The following PHACTR1 variants were observed in gnomAD, a reference collection of about 807,000 sequenced individuals.
PHACTR1 encodes the protein phosphatase and actin regulator 1, also known as RPEL repeat containing 1.
Under a neutral mutation model 69.2 loss-of-function variants are expected in PHACTR1, and 16 were observed. The ratio of observed to expected loss-of-function variants is 0.23; its 90% confidence interval spans 0.16 to 0.35. PHACTR1 has a LOEUF of 0.35. PHACTR1 is among the 10% of genes least tolerant of loss of function. The pLI, the probability that PHACTR1 is intolerant of heterozygous loss-of-function variation, is 1.00. For synonymous variants in PHACTR1, 312 were observed against 284.5 expected (o/e 1.10, Z -0.97); for missense variants, 510 against 734.7 (o/e 0.69, Z 3.54).
intron 5 of PHACTR1, among the ~76,000 whole-genome samples, chr6:13,127,213 C>T (rs1281826965): frequency 6.6e-6 from 1 of 152,178 alleles, no homozygotes; most frequent in African/African-American, 2.4e-5. Flanking sequence ...GATAAGAATA[C>T]TTTCCTTCTG....
chr6:12,869,566 C>A (rs1173263953), intron 4 of PHACTR1, among the ~76,000 whole-genome samples: 1 of 152,150 alleles, frequency 6.6e-6, no homozygotes, highest in South Asian at 2.1e-4. Context: ...ATGATCTAGC[C>A]CTATGCTTGA....
At chr6:13,281,071 G>A (rs1383611095) in intron 12 of PHACTR1, 18 of 1,289,434 alleles carry the variant, frequency 1.4e-5, no homozygotes, top group African/African-American at 3.0e-5. Flanking sequence ...TTGGAAAGAC[G>A]GTGTCCAAGG....
At chr6:12,829,964 A>AGAGAGAGAGAG (rs1777240400) in intron 4 of PHACTR1, among the ~76,000 whole-genome samples, 3 of 99,854 alleles carry the variant, frequency 3.0e-5, no homozygotes, top group African/African-American at 8.8e-5. Context: ...TCAAGAAAGA[A>AGAGAGAGAGAG]AGAGAGAGAG....
chr6:12,737,475 G>A (rs1042426061), intron 3 of PHACTR1, among the ~76,000 whole-genome samples: 1 of 151,728 alleles, frequency 6.6e-6, no homozygotes, highest in Non-Finnish European at 1.5e-5. Flanking sequence ...ATGTATGATT[G>A]CGTGTGTGTA....
At chr6:13,160,593 A>T (rs1024986040) in intron 6 of PHACTR1, among the ~76,000 whole-genome samples, 2 of 152,238 alleles carry the variant, frequency 1.3e-5, no homozygotes, top group Non-Finnish European at 2.9e-5. Flanking sequence ...ATGCAAATAC[A>T]CACGACCAGG....
intron 4 of PHACTR1, among the ~76,000 whole-genome samples, chr6:12,927,272 A>G (rs1300689972): frequency 6.6e-6 from 1 of 152,196 alleles, no homozygotes; most frequent in Middle Eastern, 3.2e-3. Flanking sequence ...ACTTTAGTTT[A>G]GTGCTCCCTG....
chr6:12,950,915 T>C (rs931103526), intron 4 of PHACTR1, among the ~76,000 whole-genome samples: 3 of 152,202 alleles, frequency 2.0e-5, no homozygotes, highest in Non-Finnish European at 4.4e-5. Flanking sequence ...AGTTCTTGTA[T>C]CTTTCCGGGG....
intron 4 of PHACTR1, among the ~76,000 whole-genome samples, chr6:12,832,190 T>G (rs977314003): frequency 1.3e-5 from 2 of 152,046 alleles, no homozygotes; most frequent in African/African-American, 2.4e-5. Flanking sequence ...AGAACTATGG[T>G]GAAATCTAGG....
At chr6:12,871,667 T>C (rs1782039802) in intron 4 of PHACTR1, among the ~76,000 whole-genome samples, 1 of 152,004 alleles carries the variant, frequency 6.6e-6, no homozygotes, top group Non-Finnish European at 1.5e-5. Flanking sequence ...GATTGCCCCC[T>C]GTTTGGTGAT....
intron 4 of PHACTR1, among the ~76,000 whole-genome samples, chr6:12,857,969 G>A (rs7747760): frequency 0.97 from 148,404 of 152,288 alleles, 72,449 homozygotes; most frequent in East Asian, 1. Flanking sequence ...CATGTATTGA[G>A]TGTTTCATCC....
intron 4 of PHACTR1, among the ~76,000 whole-genome samples, chr6:12,860,490 A>G (rs966481185): frequency 3.9e-5 from 6 of 152,182 alleles, no homozygotes; most frequent in Middle Eastern, 3.2e-3. Flanking sequence ...AGAATGATTT[A>G]TAATCATTTG....
intron 4 of PHACTR1, among the ~76,000 whole-genome samples, chr6:12,966,643 T>G (rs1793535166): frequency 6.6e-6 from 1 of 152,196 alleles, no homozygotes; most frequent in Non-Finnish European, 1.5e-5. Flanking sequence ...ACAGGAAGGT[T>G]GTTCTTCTCT....
intron 2 of PHACTR1, chr6:12,718,172 G>A (rs1038581687): frequency 1.3e-5 from 2 of 152,164 alleles, no homozygotes; most frequent in Non-Finnish European, 2.9e-5. Context: ...GTGCTGAAGG[G>A]AATCGCCGGA....
chr6:13,121,975 A>G (rs1818811014), intron 5 of PHACTR1, among the ~76,000 whole-genome samples: 1 of 152,214 alleles, frequency 6.6e-6, no homozygotes, highest in African/African-American at 2.4e-5. Context: ...ATAAGTATGT[A>G]TGTGAAAATA....
At chr6:13,064,696 GTC>G (rs1312715549) in intron 5 of PHACTR1, among the ~76,000 whole-genome samples, 1 of 146,196 alleles carries the variant, frequency 6.8e-6, no homozygotes, top group African/African-American at 2.5e-5. Flanking sequence ...TCAGCCGCTT[GTC>G]TCTGCACAGA....
chr6:12,816,789 G>A (rs553128202), intron 4 of PHACTR1, among the ~76,000 whole-genome samples: 3 of 152,290 alleles, frequency 2.0e-5, no homozygotes, highest in Admixed American at 2.0e-4. Context: ...AAGAATTCAG[G>A]AGTCCCATTT....
chr6:12,835,434 A>G (rs1266016393), intron 4 of PHACTR1, among the ~76,000 whole-genome samples: 2 of 152,078 alleles, frequency 1.3e-5, no homozygotes, highest in Non-Finnish European at 2.9e-5. Context: ...CCTTGAGAAG[A>G]AAGGCCGGTT....
At chr6:12,725,325 C>G (rs1762640697) in intron 3 of PHACTR1, among the ~76,000 whole-genome samples, 1 of 152,190 alleles carries the variant, frequency 6.6e-6, no homozygotes, top group African/African-American at 2.4e-5. Context: ...TCCATTAGTT[C>G]AAAATCAGGA....
chr6:13,014,081 A>G (rs187842225), intron 4 of PHACTR1, among the ~76,000 whole-genome samples: 11 of 152,218 alleles, frequency 7.2e-5, no homozygotes, highest in Admixed American at 5.9e-4. Context: ...ACTGTCAACT[A>G]GGCAAGGAGA....
Sources: gnomAD v4.1 joint callset for allele counts (sites outside exome capture counted in the v4.1 genomes callset) on GRCh38, gnomAD v4.1.1 for gene constraint, MANE v1.5 for transcripts, NCBI Gene and HGNC (gene_info 2026-07-23, HGNC 2026-07-21) for gene names.